ZC3H3: variants seen among roughly 807,000 people sequenced by gnomAD.
The protein encoded by ZC3H3 is zinc finger CCCH domain-containing protein 3.
A neutral mutation model predicts 77.3 loss-of-function variants in ZC3H3; 36 were observed. That is an observed-to-expected ratio of 0.47 (90% confidence interval 0.36 to 0.61). ZC3H3 has a LOEUF of 0.61. Ranked by LOEUF, ZC3H3 falls within the 20% of genes least tolerant of loss-of-function variation. The pLI, the probability that ZC3H3 is intolerant of heterozygous loss-of-function variation, is 0.00. For synonymous variants in ZC3H3, 626 were observed against 555.2 expected (o/e 1.13, Z -1.79); for missense variants, 1,331 against 1,312.2 (o/e 1.01, Z -0.22).
rs1283286598 is a variant in ZC3H3, at chr8:143,533,769, G to A, written c.1561+2488C>T. Among the ~76,000 whole-genome samples, 2 of 150,276 alleles carry A rather than the reference G, an allele frequency of 1.3e-5. No homozygotes were observed. Among genetic ancestry groups the A allele is most frequent in the African/African-American group, 4.9e-5 (2 of 40,630 alleles). ...TGGCACGATCTAACCTCTGCCTCCT[G>A]GGTTCAAGTGATTCTCCTGCCTCAG... On this transcript the variant is annotated intron_variant, in intron 3 of 11. Transcript: ENST00000262577. The surrounding 1 kb of genome is among the most constrained non-coding windows in gnomAD (Gnocchi z 4.0).
At chr8:143,467,806 GC>G (rs34331604) in intron 8 of ZC3H3, among the ~76,000 whole-genome samples, 146,875 of 147,628 alleles carry the variant, frequency 0.99, 73,062 homozygotes, top group East Asian at 1. Flanking sequence ...TCTCCACCCA[GC>G]CCCCTCACAT....
chr8:143,479,525 C>T (rs894503142), intron 4 of ZC3H3, among the ~76,000 whole-genome samples: 3 of 152,304 alleles, frequency 2.0e-5, no homozygotes, highest in African/African-American at 7.2e-5. Flanking sequence ...ATTTCATTAA[C>T]GCTGGAAAAT....
rs190472332 is a variant in ZC3H3, at chr8:143,517,056, G to A, written c.1562-9157C>T. Among the ~76,000 whole-genome samples, 16 of 152,314 alleles carry A rather than the reference G, an allele frequency of 1.1e-4. 2 individuals carry two copies. The highest frequency in any genetic ancestry group is 2.6e-4 in the African/African-American group (11 of 41,574). ...CTGGAGACGCAGCACCACCGAAGCC[G>A]CTGCCGCGGACTGTCAGAGCCCTAT... On this transcript the variant is annotated intron_variant, in intron 3 of 11. Coordinates refer to ENST00000262577, the MANE Select transcript of ZC3H3 (RefSeq NM_015117.3).
intron 4 of ZC3H3, among the ~76,000 whole-genome samples, chr8:143,507,246 A>G (rs1210680121): frequency 6.6e-6 from 1 of 152,154 alleles, no homozygotes; most frequent in Non-Finnish European, 1.5e-5. Flanking sequence ...CATCGAGGTC[A>G]GAGTGCGAGT....
At chr8:143,467,089 C>T (rs1328981040) in intron 8 of ZC3H3, among the ~76,000 whole-genome samples, 1 of 152,056 alleles carries the variant, frequency 6.6e-6, no homozygotes, top group East Asian at 1.9e-4. Context: ...CTTTTAACTG[C>T]AGCCGCAGAG....
intron 3 of ZC3H3, among the ~76,000 whole-genome samples, chr8:143,514,015 C>T (rs1821953657): frequency 6.6e-6 from 1 of 152,214 alleles, no homozygotes; most frequent in Non-Finnish European, 1.5e-5. Flanking sequence ...TGAGTTGTCC[C>T]CTGGGGCCAC....
At chr8:143,438,334 C>T (rs1433419228) in intron 11 of ZC3H3, among the ~76,000 whole-genome samples, 1 of 152,054 alleles carries the variant, frequency 6.6e-6, no homozygotes, top group Non-Finnish European at 1.5e-5. Flanking sequence ...GGTGCAGGCT[C>T]AGTCTATGAG....
At chr8:143,511,912 G>C (rs896515131) in intron 3 of ZC3H3, among the ~76,000 whole-genome samples, 1 of 152,268 alleles carries the variant, frequency 6.6e-6, no homozygotes, top group East Asian at 1.9e-4. Flanking sequence ...GCTGGGGAGC[G>C]GGGAGAGCTG....
At position 143,454,905 on chromosome 8, in the gene ZC3H3, C is replaced by A. The variant is rs145499364; in HGVS notation, c.2307+10812G>T. ...TACTGCAGCACTTGTGTCCGGGTAA[C>A]CCTTATTTTCATAAAAAATGGCCCC... On this transcript the variant is annotated intron_variant, in intron 9 of 11. Transcript: ENST00000262577. 1.4e-3 allele frequency among the ~76,000 whole-genome samples: 218 copies of A among 152,180 alleles called. 1 individual carries two copies. Among genetic ancestry groups the A allele is most frequent in the African/African-American group, 5.1e-3 (212 of 41,518 alleles).
rs981348108 is a variant in ZC3H3 at position 143,521,306 on chromosome 8, G to A, written c.1562-13407C>T. Among the ~76,000 whole-genome samples the A allele has an allele frequency of 1.2e-4, 18 of 152,286 alleles. No homozygotes were observed. The East Asian group carries it at 3.5e-3, about 29-fold the overall frequency. ...AGGCCGTGAAGGTGGTGATATGTGG[G>A]TGGAGCCTCGAAAGTCTGAAGGGAC... On this transcript the variant is annotated intron_variant, in intron 3 of 11. Coordinates refer to ENST00000262577, the MANE Select transcript of ZC3H3 (RefSeq NM_015117.3).
intron 4 of ZC3H3, among the ~76,000 whole-genome samples, chr8:143,491,804 G>C (rs1821212178): frequency 6.6e-6 from 1 of 152,236 alleles, no homozygotes; most frequent in African/African-American, 2.4e-5. Context: ...CCCTAGAGAA[G>C]GAGCAGAACA....
intron 9 of ZC3H3, among the ~76,000 whole-genome samples, chr8:143,442,604 C>T (rs1396990711): frequency 1.3e-5 from 2 of 152,182 alleles, no homozygotes; most frequent in African/African-American, 4.8e-5. Context: ...ATCAGATGCA[C>T]CCACAGCCCC....
chr8:143,465,572 G>C (rs1820386396), intron 9 of ZC3H3, 145 bp downstream of exon 9: 1 of 1,289,048 alleles, frequency 7.8e-7, no homozygotes, highest in Non-Finnish European at 1.1e-6. Flanking sequence ...ACCTCTCTGA[G>C]TCACCTGTGA....
intron 4 of ZC3H3, among the ~76,000 whole-genome samples, chr8:143,495,609 A>G (rs1182881440): frequency 6.6e-6 from 1 of 152,056 alleles, no homozygotes; most frequent in Non-Finnish European, 1.5e-5. Context: ...TTTGAGACAG[A>G]GTCTCACTTT....
chr8:143,500,352 T>A (rs1204565885), intron 4 of ZC3H3, among the ~76,000 whole-genome samples: 1 of 152,208 alleles, frequency 6.6e-6, no homozygotes, highest in Non-Finnish European at 1.5e-5. Flanking sequence ...CAACTGACGC[T>A]ACACACTGAC....
chr8:143,463,263 G>C (rs1820314493), intron 9 of ZC3H3, among the ~76,000 whole-genome samples: 1 of 151,002 alleles, frequency 6.6e-6, no homozygotes, highest in South Asian at 2.1e-4. Flanking sequence ...GGGATTACAG[G>C]TGTGAGCCAC....
At position 143,538,717 on chromosome 8, in the gene ZC3H3, C is replaced by G; in HGVS notation, c.650G>C (p.Arg217Pro). Residue 217 changes from arginine (R) to proline (P), a missense_variant, in exon 2 of 12, where the codon CGG becomes CCG. Physicochemically the swap from Arg to Pro is moderately radical, Grantham distance 103. Transcript: ENST00000262577. ...SVGDSPREPR[R>P]TVSESVIAVK... ...GGCAATCACACTCTCACTGACTGTC[C>G]GGCGGGGCTCCCGGGGGCTGTCGCC... The G allele has an allele frequency of 6.2e-7, 1 of 1,609,142 alleles. No homozygotes were observed. Among genetic ancestry groups the G allele is most frequent in the Non-Finnish European group, 8.5e-7 (1 of 1,179,836 alleles).
Position 143,478,333 on chromosome 8 carries a change from C to T in ZC3H3, c.1716-2748G>A, listed in dbSNP as rs1031694005. On this transcript the variant is annotated intron_variant, in intron 4 of 11. Coordinates refer to ENST00000262577, the MANE Select transcript of ZC3H3 (RefSeq NM_015117.3). ...AGCACTTGCTCCCCTCCCCCAGGGG[C>T]AGCCACAGCTGGCCAGGCCCAGGGA... Among the ~76,000 whole-genome samples the T allele has an allele frequency of 3.9e-5, 6 of 152,326 alleles. No individual in the cohort carries two copies. In the East Asian group the frequency reaches 9.7e-4, roughly 25 times the overall value.
At chr8:143,515,242 C>G (rs1223596008) in intron 3 of ZC3H3, among the ~76,000 whole-genome samples, 1 of 152,240 alleles carries the variant, frequency 6.6e-6, no homozygotes, top group African/African-American at 2.4e-5. Flanking sequence ...ATCTAGACAC[C>G]GAGCAGGGCA....
Sources: gnomAD v4.1 joint callset for allele counts (sites outside exome capture counted in the v4.1 genomes callset) on GRCh38, gnomAD v4.1.1 for gene constraint, Gnocchi (gnomAD v3.1) non-coding constraint, MANE v1.5 for transcripts, NCBI Gene and HGNC (gene_info 2026-07-23, HGNC 2026-07-21) for gene names.